The following GSE1 variants were observed in gnomAD, a reference collection of about 807,000 sequenced individuals.
GSE1 encodes the protein Gse1 coiled-coil protein, also known as genetic suppressor element 1.
GSE1 carries 32 observed loss-of-function variants against 112.6 expected under a neutral mutation model. The observed-to-expected ratio is 0.28, with a 90% CI of 0.21 to 0.38. The LOEUF (loss-of-function observed/expected upper bound fraction) is 0.38. Ranked by LOEUF, GSE1 falls within the 10% of genes least tolerant of loss-of-function variation. The pLI, the probability that GSE1 is intolerant of heterozygous loss-of-function variation, is 1.00. For synonymous variants in GSE1, 1,115 were observed against 735.6 expected, an observed-to-expected ratio of 1.52 and a Z score of -8.35; for missense variants, 2,348 against 1,699.2, an observed-to-expected ratio of 1.38 and a Z score of -6.71.
rs1367005894 is a variant in GSE1 at position 85,675,451 on chromosome 16, GACTTTCC to G, written c.*2915_*2921del. 1 of 152,210 alleles carries G rather than the reference GACTTTCC, an allele frequency of 6.6e-6. No homozygotes were observed. Among genetic ancestry groups the G allele is most frequent in the Admixed American group, 6.5e-5 (1 of 15,278 alleles). 9.4% of individuals were successfully genotyped at this position (152,210 alleles called of 1,614,324 possible). A position where few individuals can be genotyped will look rare whatever the true frequency, so the allele number is the denominator to read the frequency against. ...TGTCTCAGATAAGTGACCAAGACGG[GACTTTCC>G]ACATTTTAGTCTACATTCTAATCTT... On this transcript the variant is annotated 3_prime_UTR_variant, in exon 16 of 16. Coordinates refer to ENST00000253458, the MANE Select transcript of GSE1 (RefSeq NM_014615.5).
chr16:85,656,746 T>C (rs2051992734), intron 7 of GSE1, 81 bp downstream of exon 7: 1 of 1,433,510 alleles, frequency 7.0e-7, no homozygotes, highest in South Asian at 1.5e-5. Flanking sequence ...CACCTGCCGG[T>C]TGCCGTGGTG....
intron 1 of GSE1, among the ~76,000 whole-genome samples, chr16:85,569,946 G>C (rs1261412518): frequency 6.6e-6 from 1 of 152,198 alleles, no homozygotes; most frequent in Non-Finnish European, 1.5e-5. Flanking sequence ...AGGGGGTGGA[G>C]GTGGGGGTTT....
At chr16:85,247,763 C>A (rs139673716) in intron 1 of GSE1, among the ~76,000 whole-genome samples, 1 of 152,124 alleles carries the variant, frequency 6.6e-6, no homozygotes, top group Non-Finnish European at 1.5e-5. Flanking sequence ...AGGGAGGGAA[C>A]GCGGGGAGGG....
At chr16:85,646,048 T>C (rs1226035219) in intron 2 of GSE1, among the ~76,000 whole-genome samples, 2 of 142,480 alleles carry the variant, frequency 1.4e-5, no homozygotes, top group East Asian at 2.1e-4. Flanking sequence ...TCTACCTGCT[T>C]CTACCACGCT....
chr16:85,256,184 G>T (rs939327253), intron 1 of GSE1, among the ~76,000 whole-genome samples: 1 of 152,084 alleles, frequency 6.6e-6, no homozygotes, highest in Non-Finnish European at 1.5e-5. Flanking sequence ...CTCTTCCCTC[G>T]GCAGGCAGAC....
intron 1 of GSE1, among the ~76,000 whole-genome samples, chr16:85,266,237 C>A (rs759877758): frequency 2.0e-5 from 3 of 152,092 alleles, no homozygotes; most frequent in Non-Finnish European, 4.4e-5. Context: ...CAGCTCCGGG[C>A]GAGACTGCTG....
intron 1 of GSE1, among the ~76,000 whole-genome samples, chr16:85,588,782 G>A (rs1021273021): frequency 7.9e-5 from 12 of 152,138 alleles, no homozygotes; most frequent in Admixed American, 3.3e-4. Context: ...TTGTCAGGGG[G>A]CCCGGGGACG....
intron 1 of GSE1, among the ~76,000 whole-genome samples, chr16:85,280,027 G>A (rs2044809281): frequency 6.6e-6 from 1 of 152,186 alleles, no homozygotes; most frequent in Non-Finnish European, 1.5e-5. Flanking sequence ...GTTCCAGAAA[G>A]TTCTCCTTTC....
chr16:85,198,762 T>C (rs535275083), intron 1 of GSE1, among the ~76,000 whole-genome samples: 17 of 152,094 alleles, frequency 1.1e-4, no homozygotes, highest in African/African-American at 3.9e-4. Context: ...TGAGAAAATA[T>C]GAGCTAGAGT....
At chr16:85,529,032 G>A (rs2052461164) in intron 2 of GSE1, among the ~76,000 whole-genome samples, 1 of 152,220 alleles carries the variant, frequency 6.6e-6, no homozygotes, top group South Asian at 2.1e-4. Flanking sequence ...TCATCTTGGT[G>A]GACCGGCCTC....
At chr16:85,489,505 G>A (rs1016176945) in intron 2 of GSE1, among the ~76,000 whole-genome samples, 23 of 152,152 alleles carry the variant, frequency 1.5e-4, no homozygotes, top group Admixed American at 4.6e-4. Context: ...AGCAGGGACT[G>A]TGCAGCCATC....
chr16:85,297,593 A>C (rs1008711), intron 1 of GSE1, among the ~76,000 whole-genome samples: 14 of 152,050 alleles, frequency 9.2e-5, no homozygotes, highest in South Asian at 2.1e-4. Context: ...TCCACCTCTC[A>C]GGCTCATGTG....
chr16:85,640,698 C>T (rs1478226291), intron 2 of GSE1, among the ~76,000 whole-genome samples: 1 of 152,252 alleles, frequency 6.6e-6, no homozygotes, highest in Non-Finnish European at 1.5e-5. Context: ...GAGGCTCCCC[C>T]TTTCTGCCGC....
intron 14 of GSE1, among the ~76,000 whole-genome samples, chr16:85,670,383 T>G (rs992825464): frequency 2.0e-5 from 3 of 152,232 alleles, no homozygotes; most frequent in Non-Finnish European, 4.4e-5. Context: ...TCCTTTGATT[T>G]TTTTTTTCTT....
chr16:85,665,872 A>T, intron 12 of GSE1, 104 bp from the exon 13 acceptor site: 1 of 1,081,634 alleles, frequency 9.2e-7, no homozygotes, highest in Non-Finnish European at 1.4e-6. Flanking sequence ...TCTTTGCGCT[A>T]GGTCTTTGTT....
intron 2 of GSE1, among the ~76,000 whole-genome samples, chr16:85,423,628 G>T (rs1184301989): frequency 2.0e-5 from 3 of 152,046 alleles, no homozygotes; most frequent in Non-Finnish European, 4.4e-5. Context: ...TGCGCAGTGG[G>T]GTAGGGGTGG....
At chr16:85,388,324 A>T (rs1295179666) in intron 2 of GSE1, among the ~76,000 whole-genome samples, 1 of 75,088 alleles carries the variant, frequency 1.3e-5, no homozygotes, top group Non-Finnish European at 2.5e-5. Context: ...GGATGGATGG[A>T]TGGATGAATG....
chr16:85,248,627 T>G (rs533938317), intron 1 of GSE1, among the ~76,000 whole-genome samples: 12 of 152,300 alleles, frequency 7.9e-5, no homozygotes, highest in African/African-American at 2.6e-4. Context: ...TCTGTGTAAT[T>G]GGTCTCGAAG....
intron 2 of GSE1, among the ~76,000 whole-genome samples, chr16:85,395,296 G>C (rs1391351357): frequency 6.6e-6 from 1 of 152,226 alleles, no homozygotes. Flanking sequence ...TGTCAGGGCA[G>C]TGGCGCCTGC....
Sources: gnomAD v4.1 joint callset for allele counts (sites outside exome capture counted in the v4.1 genomes callset) on GRCh38, gnomAD v4.1.1 for gene constraint, MANE v1.5 for transcripts, NCBI Gene and HGNC (gene_info 2026-07-23, HGNC 2026-07-21) for gene names.